The following RBFOX1 variants were observed in gnomAD, a reference collection of about 807,000 sequenced individuals.
RBFOX1 encodes the protein RNA binding fox-1 homolog 1.
In RBFOX1, 8 loss-of-function variants were observed where a neutral mutation model predicts 57.7. The observed-to-expected ratio is 0.14, with a 90% CI of 0.08 to 0.25. The LOEUF (loss-of-function observed/expected upper bound fraction) is 0.25, where lower values mean the gene tolerates loss of function less well. RBFOX1 is among the 10% of genes least tolerant of loss of function. The probability of loss-of-function intolerance (pLI) is 1.00; values close to 1 mark genes in which losing one functional copy is unlikely to be tolerated. For missense variants in RBFOX1, 611 were observed against 548.5 expected, an observed-to-expected ratio of 1.11 and a Z score of -1.14; for synonymous variants, 326 against 222.4, an observed-to-expected ratio of 1.47 and a Z score of -4.15.
intron 1 of RBFOX1, among the ~76,000 whole-genome samples, chr16:6,201,273 T>C (rs550780015): frequency 5.3e-5 from 8 of 152,208 alleles, no homozygotes; most frequent in Non-Finnish European, 1.0e-4. Context: ...AACATAGAGG[T>C]GCAGACCTCT....
intron 4 of RBFOX1, among the ~76,000 whole-genome samples, chr16:5,989,880 A>ACACACACACACACACACACC (rs33912010): frequency 0.081 from 10,260 of 127,082 alleles, 676 homozygotes; most frequent in Non-Finnish European, 0.099. Context: ...ACACACACAC[A>ACACACACACACACACACACC]CCACCCCTGT....
intron 2 of RBFOX1, among the ~76,000 whole-genome samples, chr16:6,324,750 C>T (rs142763382): frequency 6.6e-6 from 1 of 152,130 alleles, no homozygotes; most frequent in Non-Finnish European, 1.5e-5. Flanking sequence ...TGGTCTTTAA[C>T]TAGGGCCCCA....
chr16:7,329,716 G>A (rs922918498), intron 4 of RBFOX1, among the ~76,000 whole-genome samples: 5 of 152,152 alleles, frequency 3.3e-5, no homozygotes, highest in Admixed American at 6.5e-5. Flanking sequence ...CGCGACTGGA[G>A]GTGGGAGGGA....
chr16:6,845,416 G>T (rs1371518999), intron 3 of RBFOX1, among the ~76,000 whole-genome samples: 1 of 152,032 alleles, frequency 6.6e-6, no homozygotes, highest in Non-Finnish European at 1.5e-5. Context: ...AGTTGTCCCA[G>T]CACCATTTAT....
chr16:6,963,009 A>T (rs1276385662), intron 3 of RBFOX1, among the ~76,000 whole-genome samples: 1 of 152,180 alleles, frequency 6.6e-6, no homozygotes, highest in Non-Finnish European at 1.5e-5. Context: ...CCAGCCAAGA[A>T]TCAGCTCTGT....
intron 4 of RBFOX1, among the ~76,000 whole-genome samples, chr16:7,094,303 A>G (rs1026063936): frequency 6.6e-6 from 1 of 152,156 alleles, no homozygotes; most frequent in Non-Finnish European, 1.5e-5. Context: ...GCAATAGAGC[A>G]TTGTTTTGAC....
chr16:6,664,688 C>G (rs1421636986), intron 3 of RBFOX1, among the ~76,000 whole-genome samples: 2 of 152,200 alleles, frequency 1.3e-5, no homozygotes, highest in Non-Finnish European at 2.9e-5. Flanking sequence ...ATTGCGTGTT[C>G]AGAACCCACA....
At chr16:6,789,283 A>T (rs1424997182) in intron 3 of RBFOX1, among the ~76,000 whole-genome samples, 1 of 152,208 alleles carries the variant, frequency 6.6e-6, no homozygotes, top group Admixed American at 6.5e-5. Flanking sequence ...GAACTTAAAT[A>T]CAGCAGTTGA....
At chr16:7,670,932 G>A (rs113022744) in intron 13 of RBFOX1, among the ~76,000 whole-genome samples, 1 of 152,312 alleles carries the variant, frequency 6.6e-6, no homozygotes, top group African/African-American at 2.4e-5. Flanking sequence ...TGTATGAAAT[G>A]ATAGCATTTT....
intron 4 of RBFOX1, among the ~76,000 whole-genome samples, chr16:7,186,539 CATATTTATATAAATATAAGCTTAAACAT>C (rs1567619143): frequency 4.4e-4 from 25 of 57,260 alleles, no homozygotes; most frequent in Non-Finnish European, 9.8e-4. Context: ...TAAGCATAAA[CATATTTATATAAATATAAGCTTAAACAT>C]ATTTATATAA....
chr16:6,854,587 A>ATTTTTTTTTTTTTTTTT lies in RBFOX1; in HGVS notation c.-15-197461_-15-197445dup, dbSNP rs71147611. 4.0e-4 allele frequency among the ~76,000 whole-genome samples: 28 copies of ATTTTTTTTTTTTTTTTT among 70,636 alleles called. 1 individual carries two copies. Among genetic ancestry groups the ATTTTTTTTTTTTTTTTT allele is most frequent in the Non-Finnish European group, 6.4e-4 (25 of 39,142 alleles). The allele number at this position is 70,636 out of a possible 152,430, so 46.3% of individuals were successfully genotyped here. ...CCTCCCTGCCAACTAGGAGAGGTGA[A>ATTTTTTTTTTTTTTTTT]TTTTTTTTTTTTTTTTTTTTTTTTT... On this transcript the variant is annotated intron_variant, in intron 3 of 15. Transcript: ENST00000550418.
chr16:6,202,864 G>C (rs558349894), intron 1 of RBFOX1, among the ~76,000 whole-genome samples: 1 of 151,854 alleles, frequency 6.6e-6, no homozygotes, highest in African/African-American at 2.4e-5. Context: ...CAGAGCTCAC[G>C]GCAGCTCAAA....
At chr16:5,658,849 G>GTATATATGTATATATATAATATATGTA (rs2049550429) in intron 3 of RBFOX1, among the ~76,000 whole-genome samples, 2 of 147,650 alleles carry the variant, frequency 1.4e-5, no homozygotes, top group Non-Finnish European at 3.0e-5. Context: ...TATAATATAT[G>GTATATATGTATATATATAATATATGTA]TATATATATG....
intron 4 of RBFOX1, among the ~76,000 whole-genome samples, chr16:7,215,756 G>T (rs1422734211): frequency 3.2e-5 from 4 of 124,998 alleles, no homozygotes; most frequent in African/African-American, 1.3e-4. Context: ...ACGGAGTCTT[G>T]CTCTGTTGTC....
At chr16:7,383,855 G>C (rs563249461) in intron 4 of RBFOX1, among the ~76,000 whole-genome samples, 1 of 152,056 alleles carries the variant, frequency 6.6e-6, no homozygotes, top group Admixed American at 6.5e-5. Context: ...AGAAGATCGA[G>C]ACTATCCTGG....
intron 2 of RBFOX1, among the ~76,000 whole-genome samples, chr16:6,333,050 T>C (rs2083228351): frequency 2.6e-5 from 4 of 152,202 alleles, no homozygotes; most frequent in Admixed American, 2.6e-4. Context: ...TCTTTTTTTT[T>C]CTTTTTTGAG....
chr16:6,849,845 C>A (rs2093972141), intron 3 of RBFOX1, among the ~76,000 whole-genome samples: 2 of 152,068 alleles, frequency 1.3e-5, no homozygotes, highest in Admixed American at 6.6e-5. Flanking sequence ...GTCCGTTGTG[C>A]CTTATTTTTC....
Position 6,695,012 on chromosome 16 carries a change from A to C in RBFOX1, c.-16+40362A>C, listed in dbSNP as rs74006710. Among the ~76,000 whole-genome samples, 743 of 152,236 alleles carry C rather than the reference A, an allele frequency of 4.9e-3. 7 individuals are homozygous for C. Among genetic ancestry groups the C allele is most frequent in the African/African-American group, 0.017 (707 of 41,534 alleles). On this transcript the variant is annotated intron_variant, in intron 3 of 15. Transcript: ENST00000550418. ...AAAAAATGACACATAGACATTCTAA[A>C]AGCTGCATTTCATATTAAATCAGCC...
chr16:5,849,892 A>G (rs1182084656), intron 3 of RBFOX1, among the ~76,000 whole-genome samples: 2 of 152,156 alleles, frequency 1.3e-5, no homozygotes, highest in Admixed American at 1.3e-4. Flanking sequence ...AGCTACTCCC[A>G]GTGTAGCCCA....
Sources: gnomAD v4.1 joint callset for allele counts (sites outside exome capture counted in the v4.1 genomes callset) on GRCh38, gnomAD v4.1.1 for gene constraint, MANE v1.5 for transcripts, NCBI Gene and HGNC (gene_info 2026-07-23, HGNC 2026-07-21) for gene names.